Variants in CDK14 observed in about 807,000 individuals in gnomAD.
CDK14 encodes cyclin-dependent kinase 14.
CDK14 carries 34 observed loss-of-function variants against 60.7 expected under a neutral mutation model. That is an observed-to-expected ratio of 0.56 (90% CI 0.43 to 0.75). The LOEUF is 0.75. Among genes scored for constraint, CDK14 ranks in the 30% least tolerant of loss-of-function variants. The pLI is 0.00. For synonymous variants in CDK14, 197 were observed against 203.7 expected (o/e 0.97, Z 0.28); for missense variants, 482 against 564.1 (o/e 0.85, Z 1.47).
chr7:90,748,038 T>C (rs1218577607), intron 4 of CDK14, among the ~76,000 whole-genome samples: 4 of 151,922 alleles, frequency 2.6e-5, no homozygotes, highest in African/African-American at 7.3e-5. Flanking sequence ...TTCAAAGGAG[T>C]TGGAACCGTC....
intron 6 of CDK14, among the ~76,000 whole-genome samples, chr7:90,870,696 A>C (rs1791343650): frequency 6.6e-6 from 1 of 152,146 alleles, no homozygotes; most frequent in African/African-American, 2.4e-5. Flanking sequence ...TGGTATATTC[A>C]TGGAACCATT....
chr7:90,896,119 T>C (rs1239032997), intron 6 of CDK14, among the ~76,000 whole-genome samples: 1 of 152,106 alleles, frequency 6.6e-6, no homozygotes, highest in African/African-American at 2.4e-5. Flanking sequence ...TTATTGGTTG[T>C]TTTATTCATT....
intron 10 of CDK14, among the ~76,000 whole-genome samples, chr7:91,017,052 C>CT (rs1796319444): frequency 6.6e-6 from 1 of 152,254 alleles, no homozygotes; most frequent in East Asian, 1.9e-4. Context: ...GTGGTGTTTC[C>CT]TTTCTTCACT....
chr7:91,118,148 T>C lies in CDK14; in HGVS notation c.1378T>C (p.Tyr460His), dbSNP rs1799665513. 6.2e-7 allele frequency: 1 copy of C among 1,613,294 alleles called. No individual in the cohort carries two copies. The highest frequency in any genetic ancestry group is 8.5e-7 in the Non-Finnish European group (1 of 1,179,468). ...GCGGGCCTTTGGGAAAAACAATAGT[T>C]ATGGCAAAAGTCTATCAAACAGCAA... The part of the protein sequence containing the change: ...SMRAFGKNNS[Y>H]GKSLSNSKH Residue 460 changes from tyrosine (Y) to histidine (H), a missense_variant, in exon 14 of 15, where the codon TAT becomes CAT. By Grantham distance (83) the Tyr-to-His change is moderately conservative. Coordinates refer to ENST00000380050, the MANE Select transcript of CDK14 (RefSeq NM_001287135.2).
At chr7:91,163,507 A>T (rs1223387973) in intron 14 of CDK14, among the ~76,000 whole-genome samples, 3 of 152,202 alleles carry the variant, frequency 2.0e-5, no homozygotes, top group Non-Finnish European at 4.4e-5. Flanking sequence ...AATTGTATAG[A>T]TGTATGGGGT....
At chr7:90,619,459 C>A (rs929303777) in intron 2 of CDK14, among the ~76,000 whole-genome samples, 30 of 152,286 alleles carry the variant, frequency 2.0e-4, no homozygotes, top group African/African-American at 7.2e-4. Flanking sequence ...TTGATACCTG[C>A]AACTTTCTAG....
intron 5 of CDK14, among the ~76,000 whole-genome samples, chr7:90,840,435 G>T (rs1315194690): frequency 1.3e-5 from 2 of 152,166 alleles, no homozygotes; most frequent in Non-Finnish European, 2.9e-5. Flanking sequence ...ATATCCAAAA[G>T]AATAACCAGA....
chr7:90,829,454 C>T (rs564345824), intron 5 of CDK14, among the ~76,000 whole-genome samples: 1 of 152,256 alleles, frequency 6.6e-6, no homozygotes, highest in African/African-American at 2.4e-5. Flanking sequence ...GGTAAATGTT[C>T]CCATTCTAAC....
chr7:90,805,444 AC>A (rs1366432267), intron 5 of CDK14, among the ~76,000 whole-genome samples: 9 of 152,056 alleles, frequency 5.9e-5, no homozygotes, highest in African/African-American at 2.2e-4. Context: ...CAACACACAC[AC>A]ACACACACAG....
intron 5 of CDK14, among the ~76,000 whole-genome samples, chr7:90,829,834 C>A (rs1789857163): frequency 6.6e-6 from 1 of 152,156 alleles, no homozygotes; most frequent in African/African-American, 2.4e-5. Flanking sequence ...CCCGGCTAGT[C>A]ATTAAATCTT....
At chr7:90,850,247 C>G (rs564262728) in intron 5 of CDK14, among the ~76,000 whole-genome samples, 1 of 150,484 alleles carries the variant, frequency 6.6e-6, no homozygotes, top group East Asian at 1.9e-4. Context: ...GAGTGCAATG[C>G]TAGATACTGT....
intron 8 of CDK14, among the ~76,000 whole-genome samples, chr7:90,949,578 A>C (rs556420083): frequency 1.3e-5 from 2 of 152,298 alleles, no homozygotes; most frequent in South Asian, 2.1e-4. Context: ...GAACTTAAAA[A>C]ATTCAGGGAT....
intron 2 of CDK14, among the ~76,000 whole-genome samples, chr7:90,692,936 T>TA (rs764007388): frequency 2.3e-3 from 318 of 141,102 alleles, no homozygotes; most frequent in South Asian, 0.016. Flanking sequence ...TTCCATCAAG[T>TA]AAAAAAAAAA....
chr7:90,986,910 C>G (rs1468022962), intron 10 of CDK14, among the ~76,000 whole-genome samples: 1 of 151,716 alleles, frequency 6.6e-6, no homozygotes, highest in Non-Finnish European at 1.5e-5. Flanking sequence ...TATTACTGTA[C>G]TGTATTTGAA....
intron 2 of CDK14, among the ~76,000 whole-genome samples, chr7:90,627,458 G>T (rs1047047095): frequency 3.9e-5 from 6 of 152,002 alleles, no homozygotes; most frequent in Non-Finnish European, 5.9e-5. Context: ...AGCAATCCTC[G>T]TGTTTTGGCC....
intron 12 of CDK14, among the ~76,000 whole-genome samples, chr7:91,102,928 A>C (rs1799185112): frequency 6.6e-6 from 1 of 152,206 alleles, no homozygotes; most frequent in Non-Finnish European, 1.5e-5. Context: ...TCAGTCATTT[A>C]GCAGATGTTG....
At chr7:90,847,861 G>C (rs531871547) in intron 5 of CDK14, among the ~76,000 whole-genome samples, 32 of 152,232 alleles carry the variant, frequency 2.1e-4, no homozygotes, top group Middle Eastern at 3.4e-3. Context: ...AGAAATGCAG[G>C]TTCAAGGGCT....
chr7:91,008,670 A>G (rs756714028), intron 10 of CDK14, among the ~76,000 whole-genome samples: 19 of 152,116 alleles, frequency 1.2e-4, no homozygotes, highest in Non-Finnish European at 2.2e-4. Flanking sequence ...TTTTTCTGTC[A>G]GGATACTTGA....
intron 10 of CDK14, among the ~76,000 whole-genome samples, chr7:91,020,622 G>T (rs933829033): frequency 4.6e-5 from 7 of 152,224 alleles, no homozygotes; most frequent in Non-Finnish European, 7.3e-5. Context: ...TGGTGCTTGT[G>T]TTTGAGGGGA....
Sources: allele counts gnomAD v4.1 joint callset (sites outside exome capture counted in the v4.1 genomes callset), GRCh38; gene constraint gnomAD v4.1.1; transcripts MANE v1.5; gene names NCBI Gene and HGNC (gene_info 2026-07-23, HGNC 2026-07-21).